The following ENPP2 variants were observed in gnomAD, a reference collection of about 807,000 sequenced individuals.
The protein encoded by ENPP2 is ectonucleotide pyrophosphatase/phosphodiesterase 2.
In ENPP2, 51 loss-of-function variants were observed where a neutral mutation model predicts 120.2. The ratio of observed to expected loss-of-function variants is 0.42; its 90% CI spans 0.34 to 0.54. ENPP2 has a LOEUF of 0.54. Among genes scored for constraint, ENPP2 ranks in the 20% least tolerant of loss-of-function variants. ENPP2 has a pLI of 0.04. For synonymous variants in ENPP2, 365 were observed against 366.4 expected (o/e 1.00, Z 0.04); for missense variants, 920 against 1,066.5 (o/e 0.86, Z 1.91).
intron 9 of ENPP2, among the ~76,000 whole-genome samples, 164 bp from the exon 10 acceptor site, chr8:119,601,626 T>C (rs989624493): frequency 3.9e-5 from 6 of 152,208 alleles, no homozygotes; most frequent in African/African-American, 1.4e-4. Flanking sequence ...GCGTTTAAAC[T>C]ACTATTTCCA....
At chr8:119,601,346 TA>T in intron 10 of ENPP2, 50 bp downstream of exon 10, 1 of 1,279,588 alleles carries the variant, frequency 7.8e-7, no homozygotes, top group Non-Finnish European at 1.1e-6. Context: ...CACGCAATTC[TA>T]AACTAAGATA....
intron 11 of ENPP2, among the ~76,000 whole-genome samples, chr8:119,600,335 T>TG (rs1814209187): frequency 6.6e-6 from 1 of 152,140 alleles, no homozygotes; most frequent in Non-Finnish European, 1.5e-5. Flanking sequence ...ATCTCAAGAT[T>TG]TTTTTCCATG....
intron 1 of ENPP2, among the ~76,000 whole-genome samples, chr8:119,671,031 A>T (rs1196557472): frequency 1.3e-5 from 2 of 151,954 alleles, no homozygotes; most frequent in Non-Finnish European, 2.9e-5. Context: ...TCACGCCTGT[A>T]ATCCTAGCAT....
intron 19 of ENPP2, among the ~76,000 whole-genome samples, chr8:119,575,153 T>C (rs1271595059): frequency 6.6e-6 from 1 of 152,200 alleles, no homozygotes; most frequent in African/African-American, 2.4e-5. Flanking sequence ...AAAGGTACAC[T>C]GGGCAGGTCA....
Position 119,621,484 on chromosome 8 carries a change from C to T in ENPP2, c.328G>A (p.Glu110Lys). ...CAGGCATTTTCTTCATTTCTGACTT[C>T]TCCACATCTGTCCTTAGTACACTCC... ...GWECTKDRCG[E>K]VRNEENACHC... The change falls in exon 4 of 25, where the codon GAA becomes AAA. Residue 110 changes from glutamate (E) to lysine (K), a missense_variant. Coordinates refer to ENST00000075322, the MANE Select transcript of ENPP2 (RefSeq NM_001040092.3). 1 of 1,613,606 alleles carries T rather than the reference C, an allele frequency of 6.2e-7. No individual in the cohort carries two copies. The highest frequency in any genetic ancestry group is 8.5e-7 in the Non-Finnish European group (1 of 1,179,590).
In ENPP2 at chr8:119,584,002, T is replaced by C. The variant is rs1355599269; in HGVS notation, c.1415A>G (p.Gln472Arg). The change falls in exon 16 of 25, where the codon CAG (glutamine) becomes CGG (arginine). Residue 472 changes from glutamine (Q) to arginine (R), a missense_variant. Gln to Arg is a conservative substitution (Grantham distance 43, BLOSUM62 1). Transcript: ENST00000075322. ...YKKPSGKCFF[Q>R]GDHGFDNKVN... ...CTTGTTATCAAATCCGTGGTCTCCCTGGAAAAAGCATTTTCCTGATGGTTT... is the reference window on the plus strand; with the variant it reads ...CTTGTTATCAAATCCGTGGTCTCCCCGGAAAAAGCATTTTCCTGATGGTTT... 1 of 1,613,720 alleles carries C rather than the reference T, an allele frequency of 6.2e-7. No individual in the cohort carries two copies. The highest frequency in any genetic ancestry group is 8.5e-7 in the Non-Finnish European group (1 of 1,179,650).
chr8:119,586,929 G>T, intron 14 of ENPP2, 115 bp downstream of exon 14: 1 of 805,466 alleles, frequency 1.2e-6, no homozygotes, highest in Non-Finnish European at 2.1e-6. Context: ...TGGCAGGGCA[G>T]TGAGGAAAGT....
chr8:119,631,204 CTTTTTTTTTTTTT>C (rs60092023), intron 2 of ENPP2, among the ~76,000 whole-genome samples: 16 of 61,778 alleles, frequency 2.6e-4, no homozygotes, highest in Non-Finnish European at 4.2e-4. Flanking sequence ...ATGCTGCTAT[CTTTTTTTTTTTTT>C]TTTTTTTTTT....
rs1814274488 is a variant in ENPP2, at chr8:119,564,842, T to G, written c.2245A>C (p.Thr749Pro). The change falls in exon 23 of 25, where the codon ACA (threonine) becomes CCA (proline). Residue 749 changes from threonine (T) to proline (P), a missense_variant. By Grantham distance (38) the Thr-to-Pro change is conservative. Transcript: ENST00000075322. The stretch of plus-strand genomic sequence containing the variant: ...GCTTACTGTTTTATTTTGTCTTCTG[T>G]GTCATGTAAGCCATCATAGTCATAG... ...FDYDYDGLHD[T>P]EDKIKQYVEG... 1.2e-6 allele frequency: 2 copies of G among 1,613,514 alleles called. No individual in the cohort carries two copies. Among genetic ancestry groups the G allele is most frequent in the East Asian group, 4.5e-5 (2 of 44,852 alleles).
chr8:119,655,704 T>C (rs1350015703), intron 1 of ENPP2, among the ~76,000 whole-genome samples: 1 of 152,180 alleles, frequency 6.6e-6, no homozygotes, highest in Non-Finnish European at 1.5e-5. Flanking sequence ...CTCTCAACAG[T>C]CTTACAAAAT....
At chr8:119,642,788 T>A (rs1339203029), upstream of ENPP2, among the ~76,000 whole-genome samples, 1 of 152,218 alleles carries the variant, frequency 6.6e-6, no homozygotes, top group Non-Finnish European at 1.5e-5. Flanking sequence ...TGCATTTATA[T>A]AAATGCACAG....
rs1411730546 is a variant in ENPP2 at position 119,649,234 on chromosome 8, A to G, written c.22-10707T>C. Among the ~76,000 whole-genome samples the G allele has an allele frequency of 4.9e-5, 7 of 143,754 alleles. No individual in the cohort carries two copies. The East Asian group carries it at 1.4e-3, about 28-fold the overall frequency. The allele number at this position is 143,754 out of a possible 152,430, so 94.3% of individuals were successfully genotyped here. A position where few individuals can be genotyped will look rare whatever the true frequency, so the allele number is the denominator to read the frequency against. On this transcript the variant is annotated intron_variant, in intron 1 of 25. Coordinates refer to the ENPP2 transcript ENST00000427067. The stretch of plus-strand genomic sequence containing the variant: ...CGGTGAAACCCCGTCTCTACTAAAA[A>G]TACAAAAAAAAAAAAAAAATAGCCG...
At chr8:119,621,657 G>T in intron 3 of ENPP2, 138 bp from the exon 4 acceptor site, 1 of 788,920 alleles carries the variant, frequency 1.3e-6, no homozygotes, top group Non-Finnish European at 2.0e-6. Flanking sequence ...GAGTTGGCTT[G>T]AGGCCCAGAG....
At chr8:119,644,625 T>TATATATATACACAC (rs1327738777) in intron 1 of ENPP2, among the ~76,000 whole-genome samples, 6 of 74,308 alleles carry the variant, frequency 8.1e-5, no homozygotes, top group African/African-American at 3.0e-4. Context: ...TATATATATA[T>TATATATATACACAC]ACACACACAC....
intron 1 of ENPP2, among the ~76,000 whole-genome samples, chr8:119,668,932 A>G (rs564700034): frequency 3.4e-4 from 51 of 152,222 alleles, no homozygotes; most frequent in Admixed American, 2.2e-3. Flanking sequence ...ATACACATAC[A>G]CACATACCTA....
At chr8:119,636,253 G>C (rs1816993149) in intron 2 of ENPP2, among the ~76,000 whole-genome samples, 1 of 152,186 alleles carries the variant, frequency 6.6e-6, no homozygotes, top group African/African-American at 2.4e-5. Context: ...TCCTTTCTAA[G>C]CATATGCAGC....
chr8:119,646,725 G>A (rs1210022058), intron 1 of ENPP2, among the ~76,000 whole-genome samples: 1 of 152,182 alleles, frequency 6.6e-6, no homozygotes, highest in Admixed American at 6.5e-5. Flanking sequence ...ACAATGCCCA[G>A]CATAGAATAG....
At chr8:119,650,972 T>C (rs1817610367) in intron 1 of ENPP2, among the ~76,000 whole-genome samples, 1 of 150,258 alleles carries the variant, frequency 6.7e-6, no homozygotes, top group South Asian at 2.1e-4. Flanking sequence ...GAATACTTCT[T>C]TAAAAAAAAA....
chr8:119,617,616 T>A (rs1014684807), intron 5 of ENPP2, 53 bp from the exon 6 acceptor site: 6 of 1,241,596 alleles, frequency 4.8e-6, no homozygotes, highest in South Asian at 1.2e-5. Flanking sequence ...GAGTTGCCAT[T>A]ACGCCTAGTG....
Sources: gnomAD v4.1 joint callset for allele counts (sites outside exome capture counted in the v4.1 genomes callset) on GRCh38, gnomAD v4.1.1 for gene constraint, MANE v1.5 for transcripts, NCBI Gene and HGNC (gene_info 2026-07-23, HGNC 2026-07-21) for gene names.